The following RGS7BP variants were observed in gnomAD, a reference collection of about 807,000 sequenced individuals.
RGS7BP encodes regulator of G protein signaling 7 binding protein.
In RGS7BP, 9 loss-of-function variants were observed where a neutral mutation model predicts 31.3. That is an observed-to-expected ratio of 0.29 (90% CI 0.17 to 0.50). RGS7BP has a LOEUF of 0.50. Among genes scored for constraint, RGS7BP ranks in the 20% least tolerant of loss-of-function variants. The pLI is 0.98. For synonymous variants in RGS7BP, 115 were observed against 120.1 expected, an observed-to-expected ratio of 0.96 and a Z score of 0.28; for missense variants, 274 against 322.0, an observed-to-expected ratio of 0.85 and a Z score of 1.14.
At chr5:64,603,293 G>A (rs1218861745) in intron 5 of RGS7BP, among the ~76,000 whole-genome samples, 1 of 152,186 alleles carries the variant, frequency 6.6e-6, no homozygotes, top group Non-Finnish European at 1.5e-5. Context: ...AGTAAATAAC[G>A]ATGTTGGTCA....
intron 3 of RGS7BP, among the ~76,000 whole-genome samples, chr5:64,589,486 T>G (rs1262815858): frequency 6.6e-6 from 1 of 152,096 alleles, no homozygotes; most frequent in African/African-American, 2.4e-5. Flanking sequence ...GCCAAAAAAA[T>G]GTTTATTCTG....
chr5:64,576,670 C>T (rs1561340835), intron 3 of RGS7BP, among the ~76,000 whole-genome samples: 1 of 152,168 alleles, frequency 6.6e-6, no homozygotes, highest in African/African-American at 2.4e-5. Flanking sequence ...GGAGGAATTC[C>T]ATTGACTGGT....
intron 2 of RGS7BP, among the ~76,000 whole-genome samples, chr5:64,517,600 C>T (rs1435143381): frequency 1.3e-5 from 2 of 152,188 alleles, no homozygotes; most frequent in Non-Finnish European, 2.9e-5. Flanking sequence ...CTTCACTCCT[C>T]TGCATGTCAA....
chr5:64,596,965 A>T (rs2111964072), intron 4 of RGS7BP, among the ~76,000 whole-genome samples: 1 of 152,280 alleles, frequency 6.6e-6, no homozygotes, highest in South Asian at 2.1e-4. Context: ...AACAGAAGAA[A>T]AATAAGTGGA....
chr5:64,594,977 A>G (rs759906525), intron 4 of RGS7BP, 120 bp downstream of exon 4: 3 of 1,047,214 alleles, frequency 2.9e-6, no homozygotes, highest in Non-Finnish European at 4.2e-6. Context: ...TTGGTATGCC[A>G]GAGGAGCATA....
intron 2 of RGS7BP, 43 bp downstream of exon 2, chr5:64,507,920 A>G: frequency 6.6e-7 from 1 of 1,512,176 alleles, no homozygotes. Flanking sequence ...TACATGATGC[A>G]TGGATGCTGA....
At chr5:64,520,477 C>A (rs1749078677) in intron 2 of RGS7BP, among the ~76,000 whole-genome samples, 1 of 152,198 alleles carries the variant, frequency 6.6e-6, no homozygotes, top group Admixed American at 6.5e-5. Context: ...GTAAATGGAT[C>A]TTGGCTCTGC....
intron 3 of RGS7BP, among the ~76,000 whole-genome samples, chr5:64,590,517 C>T (rs572209279): frequency 1.3e-5 from 2 of 151,880 alleles, no homozygotes; most frequent in Admixed American, 6.6e-5. Flanking sequence ...TTTTCTAGGA[C>T]GAATGAATTA....
chr5:64,583,531 A>C (rs148098783), intron 3 of RGS7BP, among the ~76,000 whole-genome samples: 58 of 152,264 alleles, frequency 3.8e-4, no homozygotes, highest in African/African-American at 1.3e-3. Flanking sequence ...GAAAGAACAG[A>C]AATAAACAAC....
chr5:64,604,197 T>C (rs147732071), intron 5 of RGS7BP, among the ~76,000 whole-genome samples: 1 of 152,276 alleles, frequency 6.6e-6, no homozygotes, highest in African/African-American at 2.4e-5. Context: ...GTTCTCTCCA[T>C]TCTGAAGGCC....
intron 2 of RGS7BP, among the ~76,000 whole-genome samples, chr5:64,522,195 T>C (rs1749123463): frequency 1.3e-5 from 2 of 152,170 alleles, no homozygotes; most frequent in Non-Finnish European, 2.9e-5. Flanking sequence ...AGTACAGCTA[T>C]CCTCTGCCTG....
intron 3 of RGS7BP, among the ~76,000 whole-genome samples, chr5:64,582,936 A>T (rs1742641129): frequency 6.6e-6 from 1 of 152,252 alleles, no homozygotes; most frequent in South Asian, 2.1e-4. Flanking sequence ...GGCAATTGAT[A>T]CTAAAATAGA....
At chr5:64,584,491 A>T (rs1742688889) in intron 3 of RGS7BP, among the ~76,000 whole-genome samples, 1 of 152,248 alleles carries the variant, frequency 6.6e-6, no homozygotes, top group African/African-American at 2.4e-5. Context: ...TAGAGTGAAT[A>T]CATCTTAGAC....
chr5:64,513,428 T>G (rs1171452013), intron 2 of RGS7BP, among the ~76,000 whole-genome samples: 1 of 152,226 alleles, frequency 6.6e-6, no homozygotes, highest in Non-Finnish European at 1.5e-5. Flanking sequence ...TTTTTTGCCC[T>G]GATTTTTTCG....
chr5:64,548,753 C>T (rs939013984), intron 2 of RGS7BP, among the ~76,000 whole-genome samples: 1 of 152,026 alleles, frequency 6.6e-6, no homozygotes, highest in South Asian at 2.1e-4. Flanking sequence ...GTGATCTGCC[C>T]ACCTCGGCCT....
chr5:64,553,355 A>G (rs772111139), intron 2 of RGS7BP, among the ~76,000 whole-genome samples: 42 of 151,550 alleles, frequency 2.8e-4, no homozygotes, highest in Non-Finnish European at 5.6e-4. Flanking sequence ...GTATTTTTGT[A>G]AAGATGGGGT....
intron 2 of RGS7BP, among the ~76,000 whole-genome samples, chr5:64,547,394 T>C (rs1254566632): frequency 6.6e-6 from 1 of 152,236 alleles, no homozygotes; most frequent in Non-Finnish European, 1.5e-5. Flanking sequence ...GTGTTGTCTG[T>C]CTTTTTAATT....
intron 2 of RGS7BP, among the ~76,000 whole-genome samples, chr5:64,523,226 T>C (rs2111903965): frequency 6.6e-6 from 1 of 152,276 alleles, no homozygotes. Context: ...GTGGACACAG[T>C]GGGGCAGTGC....
chr5:64,575,323 T>A (rs1430313747), intron 2 of RGS7BP, among the ~76,000 whole-genome samples: 1 of 152,194 alleles, frequency 6.6e-6, no homozygotes, highest in Non-Finnish European at 1.5e-5. Context: ...AAATAATTTG[T>A]AAATTGCTCT....
Sources: allele counts gnomAD v4.1 joint callset (sites outside exome capture counted in the v4.1 genomes callset), GRCh38; gene constraint gnomAD v4.1.1; transcripts MANE v1.5; gene names NCBI Gene and HGNC (gene_info 2026-07-23, HGNC 2026-07-21).